Variants in SOX6 observed in about 807,000 individuals in gnomAD.
The protein encoded by SOX6 is SRY-box transcription factor 6, also known as transcription factor SOX-6.
Under a neutral mutation model 97.8 loss-of-function variants are expected in SOX6, and 11 were observed. That is an observed-to-expected ratio of 0.11 (90% CI 0.07 to 0.19). The LOEUF (loss-of-function observed/expected upper bound fraction) is 0.19, where lower values mean the gene tolerates loss of function less well. SOX6 is among the 10% of genes least tolerant of loss of function. The probability of loss-of-function intolerance (pLI) is 1.00; values close to 1 mark genes in which losing one functional copy is unlikely to be tolerated. For synonymous variants in SOX6, 360 were observed against 371.4 expected (o/e 0.97, Z 0.35); for missense variants, 810 against 1,039.5 (o/e 0.78, Z 3.04).
At chr11:16,557,336 T>G (rs928988676) in intron 4 of SOX6, among the ~76,000 whole-genome samples, 1 of 151,820 alleles carries the variant, frequency 6.6e-6, no homozygotes, top group East Asian at 1.9e-4. Context: ...AGCTCTTTCT[T>G]CTCCCTATCT....
rs775320783 is a variant in SOX6 at position 15,970,768 on chromosome 11, G to C, written c.*2041C>G. 3.9e-5 allele frequency: 6 copies of C among 152,574 alleles called. No individual in the cohort carries two copies. Among genetic ancestry groups the C allele is most frequent in the Admixed American group, 1.3e-4 (2 of 15,276 alleles). The allele number at this position is 152,574 out of a possible 1,614,324, so 9.5% of individuals were successfully genotyped here. On this transcript the variant is annotated 3_prime_UTR_variant, in exon 16 of 16. Transcript: ENST00000683767. ...TTGAGCACTCTTAAATAAATACAAAGGTACACTATTTTCTTCCAAGTGACA... is the reference window on the plus strand; with the variant it reads ...TTGAGCACTCTTAAATAAATACAAACGTACACTATTTTCTTCCAAGTGACA...
intron 3 of SOX6, among the ~76,000 whole-genome samples, chr11:16,306,435 T>A (rs1855434759): frequency 6.6e-6 from 1 of 151,986 alleles, no homozygotes; most frequent in African/African-American, 2.4e-5. Context: ...TTAGGTATGA[T>A]CCGGAAAATG....
At chr11:16,485,041 T>C (rs981456713) in intron 4 of SOX6, among the ~76,000 whole-genome samples, 3 of 152,156 alleles carry the variant, frequency 2.0e-5, no homozygotes, top group Non-Finnish European at 4.4e-5. Context: ...CCTACTTTAA[T>C]AAATTATATG....
chr11:16,539,163 A>C (rs1565175360), intron 4 of SOX6, among the ~76,000 whole-genome samples: 1 of 152,246 alleles, frequency 6.6e-6, no homozygotes, highest in African/African-American at 2.4e-5. Context: ...ACTCAGGATT[A>C]AGAAACTGAC....
chr11:15,967,334 C>T lies in SOX6; in HGVS notation c.*5475G>A, dbSNP rs969795578. Reference sequence around the variant, plus strand: ...CAGAGTTGCAGTTGTCCCAACAGCCCTACACAAACTTTACACTTTGAAACA... The same window carrying T: ...CAGAGTTGCAGTTGTCCCAACAGCCTTACACAAACTTTACACTTTGAAACA... On this transcript the variant is annotated 3_prime_UTR_variant, in exon 16 of 16. Transcript: ENST00000683767. 4 of 152,168 alleles carry T rather than the reference C, an allele frequency of 2.6e-5. No individual in the cohort carries two copies. Among genetic ancestry groups the T allele is most frequent in the African/African-American group, 9.7e-5 (4 of 41,438 alleles). The allele number at this position is 152,168 out of a possible 1,614,324, so 9.4% of individuals were successfully genotyped here. A position where few individuals can be genotyped will look rare whatever the true frequency, so the allele number is the denominator to read the frequency against.
chr11:16,104,053 A>G (rs1849015071), intron 7 of SOX6, among the ~76,000 whole-genome samples: 1 of 151,982 alleles, frequency 6.6e-6, no homozygotes, highest in African/African-American at 2.4e-5. Context: ...TAGCTCATCA[A>G]TGATATAGCC....
At chr11:16,721,350 T>C (rs978961549) in intron 2 of SOX6, among the ~76,000 whole-genome samples, 7 of 152,184 alleles carry the variant, frequency 4.6e-5, no homozygotes, top group African/African-American at 7.2e-5. Context: ...GGATTAGGTA[T>C]GTACAAGATC....
intron 12 of SOX6, among the ~76,000 whole-genome samples, chr11:16,033,897 T>A: frequency 6.9e-6 from 1 of 145,972 alleles, no homozygotes; most frequent in Admixed American, 6.8e-5. Flanking sequence ...AAAAAATAAA[T>A]AAATAGAAAG....
At chr11:16,498,142 A>C (rs988779578) in intron 4 of SOX6, among the ~76,000 whole-genome samples, 56 of 152,222 alleles carry the variant, frequency 3.7e-4, no homozygotes, top group African/African-American at 1.3e-3. Flanking sequence ...TACAAGCCAG[A>C]AGACAGTGGG....
intron 3 of SOX6, among the ~76,000 whole-genome samples, chr11:16,699,561 T>C (rs1273035530): frequency 1.3e-5 from 2 of 152,194 alleles, no homozygotes; most frequent in Non-Finnish European, 2.9e-5. Context: ...TTATACTCAT[T>C]TTGAAGTCTA....
intron 1 of SOX6, among the ~76,000 whole-genome samples, chr11:16,474,815 G>A (rs1339510708): frequency 1.3e-5 from 2 of 152,110 alleles, no homozygotes; most frequent in South Asian, 2.1e-4. Context: ...GAAGCCAGGC[G>A]CTGACTTTTC....
chr11:16,061,378 G>GA (rs1334404672), intron 9 of SOX6, among the ~76,000 whole-genome samples: 1 of 149,742 alleles, frequency 6.7e-6, no homozygotes, highest in East Asian at 1.9e-4. Context: ...GAACACTGAT[G>GA]AAAAAAATTG....
chr11:16,414,291 G>A (rs965862792), intron 1 of SOX6, among the ~76,000 whole-genome samples: 12 of 152,214 alleles, frequency 7.9e-5, no homozygotes, highest in Non-Finnish European at 1.5e-4. Context: ...CTTCAGAAAC[G>A]TTTCATTTAA....
intron 4 of SOX6, among the ~76,000 whole-genome samples, chr11:16,535,710 T>A (rs1451958136): frequency 6.6e-6 from 1 of 152,144 alleles, no homozygotes; most frequent in African/African-American, 2.4e-5. Context: ...AAGTCTTAAT[T>A]GCCAAATAAA....
chr11:16,648,391 A>C (rs1039525620), intron 3 of SOX6, among the ~76,000 whole-genome samples: 2 of 151,462 alleles, frequency 1.3e-5, no homozygotes, highest in South Asian at 2.1e-4. Context: ...TCCTGCCCCC[A>C]CCTGATGGTA....
At chr11:16,195,798 A>G (rs1461226985) in intron 4 of SOX6, among the ~76,000 whole-genome samples, 1 of 152,168 alleles carries the variant, frequency 6.6e-6, no homozygotes, top group Admixed American at 6.5e-5. Context: ...CAGATACAAT[A>G]TTTACAACAC....
intron 3 of SOX6, among the ~76,000 whole-genome samples, chr11:16,684,165 C>T (rs1052417301): frequency 1.3e-5 from 2 of 152,184 alleles, no homozygotes; most frequent in African/African-American, 2.4e-5. Flanking sequence ...TTGTGGAAGA[C>T]AGTGTAGCGA....
At chr11:16,367,432 T>G (rs1857387360) in intron 1 of SOX6, among the ~76,000 whole-genome samples, 1 of 152,166 alleles carries the variant, frequency 6.6e-6, no homozygotes, top group African/African-American at 2.4e-5. Context: ...ATGATGCCAC[T>G]GGTGGCCCAA....
intron 9 of SOX6, 43 bp downstream of exon 9, chr11:16,095,953 T>G (rs763445144): frequency 1.4e-6 from 2 of 1,397,538 alleles, no homozygotes; most frequent in African/African-American, 2.9e-5. Context: ...GACTGAACAA[T>G]CCAGTCCCCA....
Sources: allele counts gnomAD v4.1 joint callset (sites outside exome capture counted in the v4.1 genomes callset), GRCh38; gene constraint gnomAD v4.1.1; transcripts MANE v1.5; gene names NCBI Gene and HGNC (gene_info 2026-07-23, HGNC 2026-07-21).